BCL2L11: variants seen among roughly 807,000 people sequenced by gnomAD.
The protein encoded by BCL2L11 is bcl-2-like protein 11.
Under a neutral mutation model 20.6 loss-of-function variants are expected in BCL2L11, and 15 were observed. The ratio of observed to expected loss-of-function variants is 0.73; its 90% CI spans 0.49 to 1.12. BCL2L11 has a LOEUF of 1.12. Ranked by LOEUF, BCL2L11 falls within the 50% of genes most tolerant of loss-of-function variation. BCL2L11 has a pLI of 0.00. For synonymous variants in BCL2L11, 108 were observed against 92.8 expected (o/e 1.16, Z -0.94); for missense variants, 292 against 260.9 (o/e 1.12, Z -0.82).
Position 111,146,167 on chromosome 2 carries a change from C to T in BCL2L11, c.395-3877C>T, listed in dbSNP as rs180684741. On this transcript the variant is annotated intron_variant, in intron 2 of 3. Transcript: ENST00000393256. Reference sequence around the variant, plus strand: ...ACTACATTTTCTGTGGGTAAAAATGCAGCTCATCAGAATTTCCCCTTTGAA... The same window carrying T: ...ACTACATTTTCTGTGGGTAAAAATGTAGCTCATCAGAATTTCCCCTTTGAA... The T allele has an allele frequency of 8.4e-5, 83 of 985,200 alleles. No homozygotes were observed. In the East Asian group the frequency reaches 8.3e-3, roughly 98 times the overall value. The allele number at this position is 985,200 out of a possible 1,614,324, so 61.0% of individuals were successfully genotyped here.
Position 111,124,094 on chromosome 2 carries a change from C to A in BCL2L11, c.349C>A (p.Pro117Thr). 6.2e-7 allele frequency: 1 copy of A among 1,613,698 alleles called. No individual in the cohort carries two copies. The highest frequency in any genetic ancestry group is 8.5e-7 in the Non-Finnish European group (1 of 1,179,900). The change falls in exon 2 of 4, where the codon CCA becomes ACA. Residue 117 changes from proline to threonine, a missense_variant. Transcript: ENST00000393256. Reference sequence around the variant, plus strand: ...GAGTTGTGACAAATCAACACAAACCCCAAGTCCTCCTTGCCAGGCCTTCAA... The same window carrying A: ...GAGTTGTGACAAATCAACACAAACCACAAGTCCTCCTTGCCAGGCCTTCAA... ...PMSCDKSTQTPSPPCQAFNHY... is the reference protein window; with the variant it reads ...PMSCDKSTQTTSPPCQAFNHY...
chr2:111,147,327 A>ATCTCTCTCTCTCTC (rs367737247), intron 2 of BCL2L11, among the ~76,000 whole-genome samples: 67 of 125,884 alleles, frequency 5.3e-4, no homozygotes, highest in African/African-American at 5.4e-4. Flanking sequence ...AGCCTCCTGT[A>ATCTCTCTCTCTCTC]TCTCTCTCTC....
intron 2 of BCL2L11, among the ~76,000 whole-genome samples, chr2:111,139,642 T>G (rs1180851009): frequency 1.3e-5 from 2 of 152,202 alleles, no homozygotes; most frequent in Non-Finnish European, 2.9e-5. Flanking sequence ...TCCTTCTTCT[T>G]GGTAACCTTT....
intron 2 of BCL2L11, among the ~76,000 whole-genome samples, chr2:111,142,612 G>A (rs1037817422): frequency 2.6e-5 from 4 of 152,114 alleles, no homozygotes; most frequent in Non-Finnish European, 2.9e-5. Flanking sequence ...TTAAGGTGTA[G>A]CTTTTTAAGG....
intron 2 of BCL2L11, among the ~76,000 whole-genome samples, chr2:111,147,346 T>TCACACACACACACACACA (rs70962921): frequency 7.3e-6 from 1 of 137,332 alleles, no homozygotes; most frequent in Non-Finnish European, 1.5e-5. Flanking sequence ...TCTCTCTCTC[T>TCACACACACACACACACA]CACACACACA....
intron 2 of BCL2L11, among the ~76,000 whole-genome samples, chr2:111,131,095 A>G (rs1187008616): frequency 1.3e-5 from 2 of 151,948 alleles, no homozygotes; most frequent in Non-Finnish European, 2.9e-5. Context: ...CAGAACCTTA[A>G]TTAGGAAGGG....
At chr2:111,122,411 C>G (rs1376784507) in intron 1 of BCL2L11, among the ~76,000 whole-genome samples, 1 of 152,076 alleles carries the variant, frequency 6.6e-6, no homozygotes, top group South Asian at 2.1e-4. Context: ...TCCGACGAAG[C>G]GGCAGCCGCC....
chr2:111,165,162 T>G lies in BCL2L11; in HGVS notation c.*931T>G, dbSNP rs1317982822. ...TCGACGAGCATGTTATTGGGAAGTATTCTGAAGAGGCAATAGCAGTAATAA... is the reference window on the plus strand; with the variant it reads ...TCGACGAGCATGTTATTGGGAAGTAGTCTGAAGAGGCAATAGCAGTAATAA... On this transcript the variant is annotated 3_prime_UTR_variant, in exon 4 of 4. Coordinates refer to ENST00000393256, the MANE Select transcript of BCL2L11 (RefSeq NM_138621.5). 1 of 152,266 alleles carries G rather than the reference T, an allele frequency of 6.6e-6. No homozygotes were observed. Among genetic ancestry groups the G allele is most frequent in the East Asian group, 1.9e-4 (1 of 5,206 alleles). The allele number at this position is 152,266 out of a possible 1,614,324, so 9.4% of individuals were successfully genotyped here.
intron 2 of BCL2L11, among the ~76,000 whole-genome samples, chr2:111,146,893 T>C (rs2076591924): frequency 6.6e-6 from 1 of 152,220 alleles, no homozygotes; most frequent in Non-Finnish European, 1.5e-5. Flanking sequence ...GCATACTAGC[T>C]AGGTCTTATT....
At chr2:111,157,911 A>ATC (rs1559083335) in intron 3 of BCL2L11, among the ~76,000 whole-genome samples, 1 of 152,166 alleles carries the variant, frequency 6.6e-6, no homozygotes, top group African/African-American at 2.4e-5. Context: ...GGTACCATGC[A>ATC]TCTGGGAGGG....
At chr2:111,150,950 G>A (rs184375017) in intron 3 of BCL2L11, among the ~76,000 whole-genome samples, 3 of 152,230 alleles carry the variant, frequency 2.0e-5, no homozygotes, top group Admixed American at 6.5e-5. Context: ...CTGTCACCAG[G>A]CTGAAGTGCA....
intron 3 of BCL2L11, among the ~76,000 whole-genome samples, chr2:111,154,908 C>T (rs927795226): frequency 6.6e-6 from 1 of 152,170 alleles, no homozygotes; most frequent in Non-Finnish European, 1.5e-5. Flanking sequence ...TGGCGGGAGG[C>T]ACCAGTAGTG....
chr2:111,147,547 G>A (rs1237135868), intron 2 of BCL2L11, among the ~76,000 whole-genome samples: 1 of 152,180 alleles, frequency 6.6e-6, no homozygotes, highest in Non-Finnish European at 1.5e-5. Context: ...TATCTCTTAA[G>A]ATGAGTAAGT....
At chr2:111,158,669 CAG>C (rs977241691) in intron 3 of BCL2L11, among the ~76,000 whole-genome samples, 2 of 152,176 alleles carry the variant, frequency 1.3e-5, no homozygotes, top group Admixed American at 6.5e-5. Context: ...CTCTGCATCT[CAG>C]AGTTCTATAG....
chr2:111,143,948 T>G (rs948614079), intron 2 of BCL2L11, among the ~76,000 whole-genome samples: 1 of 152,206 alleles, frequency 6.6e-6, no homozygotes, highest in Non-Finnish European at 1.5e-5. Flanking sequence ...AAAAATCTCA[T>G]GAACACTAGT....
rs141962978 is a variant in BCL2L11 at position 111,150,077 on chromosome 2, G to A, written c.428G>A (p.Arg143His). Residue 143 changes from arginine (R) to histidine (H), a missense_variant, in exon 3 of 4, where the codon CGC (arginine) becomes CAC (histidine). Arg to His is a conservative substitution (Grantham distance 29). Coordinates refer to ENST00000393256, the MANE Select transcript of BCL2L11 (RefSeq NM_138621.5). ...AGGCAGGCTGAACCTGCAGATATGC[G>A]CCCAGAGATATGGATCGCCCAAGAG... Reference protein sequence around the residue: ...SMRQAEPADMRPEIWIAQELR... With the variant: ...SMRQAEPADMHPEIWIAQELR... 16 of 1,613,816 alleles carry A rather than the reference G, an allele frequency of 9.9e-6. No homozygotes were observed. The highest frequency in any genetic ancestry group is 1.1e-5 in the South Asian group (1 of 91,084).
chr2:111,141,521 G>T (rs2075811005), intron 2 of BCL2L11, among the ~76,000 whole-genome samples: 1 of 115,038 alleles, frequency 8.7e-6, no homozygotes, highest in Admixed American at 1.0e-4. Flanking sequence ...TTGTGGGGTG[G>T]GGGGAGGGGG....
At chr2:111,127,387 A>T (rs28580743) in intron 2 of BCL2L11, among the ~76,000 whole-genome samples, 2,063 of 150,012 alleles carry the variant, frequency 0.014, 51 homozygotes, top group African/African-American at 0.048. Context: ...TCCCTGGCAC[A>T]TTGGAATTCA....
intron 2 of BCL2L11, chr2:111,142,237 C>T: frequency 7.7e-7 from 1 of 1,290,560 alleles, no homozygotes; most frequent in East Asian, 2.5e-5. Flanking sequence ...TGTTCTTTTC[C>T]TTCTGTGACA....
Sources: gnomAD v4.1 joint callset for allele counts (sites outside exome capture counted in the v4.1 genomes callset) on GRCh38, gnomAD v4.1.1 for gene constraint, MANE v1.5 for transcripts, NCBI Gene and HGNC (gene_info 2026-07-23, HGNC 2026-07-21) for gene names.